ADGRL3: variants seen among roughly 807,000 people sequenced by gnomAD.
The protein encoded by ADGRL3 is adhesion G protein-coupled receptor L3, also known as calcium-independent alpha-latrotoxin receptor 3.
Under a neutral mutation model 153.5 loss-of-function variants are expected in ADGRL3, and 62 were observed. The observed-to-expected ratio is 0.40, with a 90% CI of 0.33 to 0.50. ADGRL3 has a LOEUF of 0.50. ADGRL3 is among the 20% of genes least tolerant of loss of function. The pLI is 0.47. For missense variants in ADGRL3, 1,641 were observed against 1,859.4 expected, an observed-to-expected ratio of 0.88 and a Z score of 2.16; for synonymous variants, 710 against 672.5, an observed-to-expected ratio of 1.06 and a Z score of -0.86.
At chr4:61,924,526 C>G (rs553577888) in intron 13 of ADGRL3, among the ~76,000 whole-genome samples, 1 of 152,196 alleles carries the variant, frequency 6.6e-6, no homozygotes, top group Admixed American at 6.5e-5. Context: ...CTCAAACTTT[C>G]CATATCTGTA....
chr4:61,716,437 G>T (rs773900860), intron 6 of ADGRL3, among the ~76,000 whole-genome samples: 3 of 152,044 alleles, frequency 2.0e-5, no homozygotes, highest in South Asian at 4.1e-4. Flanking sequence ...AGATAAATAC[G>T]TACCGATTTT....
At chr4:61,675,037 T>C (rs1266166543) in intron 5 of ADGRL3, among the ~76,000 whole-genome samples, 2 of 151,990 alleles carry the variant, frequency 1.3e-5, no homozygotes, top group African/African-American at 4.8e-5. Context: ...GTATGGAGTA[T>C]TAGCTTTTAT....
At chr4:61,458,190 G>C (rs1389734418) in intron 2 of ADGRL3, among the ~76,000 whole-genome samples, 1 of 150,974 alleles carries the variant, frequency 6.6e-6, no homozygotes, top group African/African-American at 2.4e-5. Context: ...TTATTTCTTA[G>C]GAAGTAGGAA....
intron 25 of ADGRL3, among the ~76,000 whole-genome samples, chr4:62,061,160 C>T (rs1406907958): frequency 6.6e-6 from 1 of 151,900 alleles, no homozygotes; most frequent in East Asian, 1.9e-4. Flanking sequence ...CTATTACCCA[C>T]ACTTCCCTTC....
intron 21 of ADGRL3, among the ~76,000 whole-genome samples, chr4:62,005,940 A>T (rs1263099163): frequency 7.0e-6 from 1 of 141,944 alleles, no homozygotes; most frequent in African/African-American, 2.6e-5. Flanking sequence ...TATTTTATTT[A>T]TATATATACA....
intron 9 of ADGRL3, among the ~76,000 whole-genome samples, chr4:61,824,891 ATCT>A (rs1017812500): frequency 1.3e-4 from 20 of 152,134 alleles, no homozygotes; most frequent in African/African-American, 2.4e-4. Flanking sequence ...GCATTTAAAG[ATCT>A]TCTTTTTTGA....
chr4:61,685,984 C>T (rs931270123), intron 6 of ADGRL3, among the ~76,000 whole-genome samples: 5 of 151,398 alleles, frequency 3.3e-5, no homozygotes, highest in African/African-American at 9.7e-5. Context: ...AGTAAGGAAT[C>T]GAGATGAATT....
intron 11 of ADGRL3, among the ~76,000 whole-genome samples, chr4:61,903,020 T>C (rs186542661): frequency 2.2e-3 from 331 of 152,272 alleles, no homozygotes; most frequent in Non-Finnish European, 3.4e-3. Flanking sequence ...GAATGAACAA[T>C]CAGTGAAATA....
In ADGRL3 at chr4:61,296,055, T is replaced by G. The variant is rs549212279; in HGVS notation, c.-239-87069T>G. Among the ~76,000 whole-genome samples, 29 of 152,274 alleles carry G rather than the reference T, an allele frequency of 1.9e-4. 2 individuals are homozygous for G. Among genetic ancestry groups the G allele is most frequent in the African/African-American group, 7.0e-4 (29 of 41,552 alleles). ...GTGTTTTAAAATTGAAATTCTGTGG[T>G]TTCTTATCTAAGGTAAATTGATTTT... is the stretch of plus-strand genomic sequence containing the variant. On this transcript the variant is annotated intron_variant, in intron 1 of 26. Transcript: ENST00000683033.
intron 6 of ADGRL3, among the ~76,000 whole-genome samples, chr4:61,702,438 G>A (rs2095784713): frequency 6.6e-6 from 1 of 152,050 alleles, no homozygotes; most frequent in Non-Finnish European, 1.5e-5. Flanking sequence ...TCTTTTTAAG[G>A]CTGTTTTATA....
At position 61,401,179 on chromosome 4, in the gene ADGRL3, C is replaced by G. The variant is rs150528049; in HGVS notation, c.-174+17990C>G. Among the ~76,000 whole-genome samples the G allele has an allele frequency of 1.8e-3, 273 of 151,420 alleles. 2 individuals are homozygous for G. The highest frequency in any genetic ancestry group is 6.4e-3 in the African/African-American group (264 of 41,406). ...AGTGAGGTTAAGAAAGTTATTTAAA[C>G]TTTCATTTTTATTAAGTTAATTTGT... is the stretch of plus-strand genomic sequence containing the variant. On this transcript the variant is annotated intron_variant, in intron 2 of 26. Coordinates refer to ENST00000683033, the MANE Select transcript of ADGRL3 (RefSeq NM_001387552.1).
In ADGRL3 at chr4:61,607,324, C is replaced by T. The variant is rs559098228; in HGVS notation, c.473+19884C>T. Among the ~76,000 whole-genome samples, 12 of 152,162 alleles carry T rather than the reference C, an allele frequency of 7.9e-5. No homozygotes were observed. The South Asian group carries it at 1.0e-3, about 13-fold the overall frequency. On this transcript the variant is annotated intron_variant, in intron 5 of 26. Coordinates refer to ENST00000683033, the MANE Select transcript of ADGRL3 (RefSeq NM_001387552.1). ...GTCTCAAAAGACCAATCTGGCCAGG[C>T]GCAGTGGCTCACACCTGTAATCCCA...
chr4:61,912,101 C>A (rs976642168), intron 12 of ADGRL3, among the ~76,000 whole-genome samples: 1 of 152,220 alleles, frequency 6.6e-6, no homozygotes, highest in Admixed American at 6.5e-5. Flanking sequence ...AAAATAAATT[C>A]TTCAAGAAAT....
At chr4:61,962,385 C>CA (rs764490559) in intron 17 of ADGRL3, among the ~76,000 whole-genome samples, 1 of 149,966 alleles carries the variant, frequency 6.7e-6, no homozygotes, top group South Asian at 2.2e-4. Context: ...ATATAATCCA[C>CA]AAAAAATTTT....
chr4:61,484,234 T>C (rs954747571), intron 2 of ADGRL3, among the ~76,000 whole-genome samples: 4 of 152,172 alleles, frequency 2.6e-5, no homozygotes, highest in African/African-American at 9.7e-5. Context: ...ATGGAACAAA[T>C]GGATCCATTC....
chr4:61,262,410 G>A (rs140332178), intron 1 of ADGRL3, among the ~76,000 whole-genome samples: 8 of 152,020 alleles, frequency 5.3e-5, no homozygotes, highest in East Asian at 1.9e-4. Context: ...ATCAGTTATG[G>A]TTTTACCAGA....
intron 8 of ADGRL3, among the ~76,000 whole-genome samples, chr4:61,778,826 G>A (rs886396406): frequency 3.3e-5 from 5 of 152,188 alleles, no homozygotes; most frequent in African/African-American, 4.8e-5. Context: ...GGGAGGCCAA[G>A]GCAGGTGGAT....
At chr4:62,015,674 A>G (rs547903392) in intron 21 of ADGRL3, among the ~76,000 whole-genome samples, 1 of 152,062 alleles carries the variant, frequency 6.6e-6, no homozygotes, top group African/African-American at 2.4e-5. Context: ...ATATCCCTTA[A>G]TTTTCACAGG....
intron 4 of ADGRL3, among the ~76,000 whole-genome samples, chr4:61,581,417 T>C (rs2098924829): frequency 6.6e-6 from 1 of 151,994 alleles, no homozygotes; most frequent in African/African-American, 2.4e-5. Flanking sequence ...AAGAGTAATT[T>C]TGAGAACAGG....
Sources: gnomAD v4.1 joint callset for allele counts (sites outside exome capture counted in the v4.1 genomes callset) on GRCh38, gnomAD v4.1.1 for gene constraint, MANE v1.5 for transcripts, NCBI Gene and HGNC (gene_info 2026-07-23, HGNC 2026-07-21) for gene names.